Variants in SLC38A7 observed in about 807,000 individuals in gnomAD.
SLC38A7 encodes the protein sodium-coupled neutral amino acid transporter 7.
SLC38A7 carries 29 observed loss-of-function variants against 50.1 expected under a neutral mutation model. That is an observed-to-expected ratio of 0.58 (90% CI 0.43 to 0.79). The LOEUF (loss-of-function observed/expected upper bound fraction) is 0.79. SLC38A7 is among the 30% of genes least tolerant of loss of function. The pLI is 0.00. For synonymous variants in SLC38A7, 244 were observed against 245.9 expected, an observed-to-expected ratio of 0.99 and a Z score of 0.07; for missense variants, 483 against 610.6, an observed-to-expected ratio of 0.79 and a Z score of 2.20.
chr16:58,681,250 T>C (rs2044382460), intron 2 of SLC38A7: 1 of 152,142 alleles, frequency 6.6e-6, no homozygotes, highest in African/African-American at 2.4e-5. Flanking sequence ...CCCTCAGTCA[T>C]ATGGCGGTCA....
chr16:58,669,577 T>TGGG (rs1408239965), intron 11 of SLC38A7, among the ~76,000 whole-genome samples: 1 of 151,958 alleles, frequency 6.6e-6, no homozygotes, highest in East Asian at 1.9e-4. Context: ...GAGTGGGTTG[T>TGGG]GGGGGAAGAG....
At chr16:58,675,855 C>T in intron 8 of SLC38A7, 85 bp downstream of exon 8, 1 of 1,081,384 alleles carries the variant, frequency 9.2e-7, no homozygotes, top group African/African-American at 1.6e-5. Flanking sequence ...GGGCTGTCCC[C>T]AGGAAAGCTA....
chr16:58,672,592 C>T (rs953624992), intron 8 of SLC38A7, among the ~76,000 whole-genome samples: 1 of 152,152 alleles, frequency 6.6e-6, no homozygotes, highest in African/African-American at 2.4e-5. Flanking sequence ...ATGCTTCCTG[C>T]CAGTCCATCT....
intron 8 of SLC38A7, among the ~76,000 whole-genome samples, chr16:58,674,207 G>A (rs915267235): frequency 9.2e-5 from 14 of 152,058 alleles, no homozygotes; most frequent in East Asian, 1.9e-4. Context: ...GGCCTCAAGC[G>A]GTTCTCCCAT....
At chr16:58,676,959 CCT>C (rs1491263490) in intron 6 of SLC38A7, among the ~76,000 whole-genome samples, 1 of 146,604 alleles carries the variant, frequency 6.8e-6, no homozygotes, top group Non-Finnish European at 1.5e-5. Context: ...TGGCCCCCCC[CCT>C]TTTTTTTTAA....
chr16:58,675,922 G>GA lies in SLC38A7; in HGVS notation c.883+17_883+18insT, dbSNP rs559273584. 1.1e-6 allele frequency: 1 copy of GA among 926,818 alleles called. No individual in the cohort carries two copies. Among genetic ancestry groups the GA allele is most frequent in the African/African-American group, 4.2e-5 (1 of 23,748 alleles). The allele number at this position is 926,818 out of a possible 1,614,324, so 57.4% of individuals were successfully genotyped here. A position where few individuals can be genotyped will look rare whatever the true frequency, so the allele number is the denominator to read the frequency against. On this transcript the variant is annotated intron_variant, in intron 8 of 11. Coordinates refer to ENST00000219320, the MANE Select transcript of SLC38A7 (RefSeq NM_018231.3). ...GAGAGCACTCTAGTCCCAGGTCTTG[G>GA]GGGGGGGGAGCACTCACCTGTCCCC...
intron 8 of SLC38A7, among the ~76,000 whole-genome samples, chr16:58,672,458 T>C (rs1321981692): frequency 1.3e-5 from 2 of 152,176 alleles, no homozygotes; most frequent in East Asian, 3.9e-4. Context: ...CCCAGCTTTC[T>C]GAGCCTGAAC....
chr16:58,672,091 C>T lies in SLC38A7; in HGVS notation c.1031+5G>A, dbSNP rs1236397449. On this transcript the variant is annotated splice_donor_5th_base_variant and intron_variant, in intron 9 of 11. Coordinates refer to ENST00000219320, the MANE Select transcript of SLC38A7 (RefSeq NM_018231.3). ...AGGGGCCCTGGGGAGTGGAAGGGGGCTCACCGCCCACAGAAGTGCAGGATA... is the reference window on the plus strand; with the variant it reads ...AGGGGCCCTGGGGAGTGGAAGGGGGTTCACCGCCCACAGAAGTGCAGGATA... 2 of 1,552,482 alleles carry T rather than the reference C, an allele frequency of 1.3e-6. No individual in the cohort carries two copies. The highest frequency in any genetic ancestry group is 2.7e-5 in the African/African-American group (2 of 72,966).
chr16:58,680,223 G>C lies in SLC38A7; in HGVS notation c.-97C>G. On this transcript the variant is annotated 5_prime_UTR_variant, in exon 3 of 12. Coordinates refer to ENST00000219320, the MANE Select transcript of SLC38A7 (RefSeq NM_018231.3). Reference sequence around the variant, plus strand: ...AACACCCACCTGTTTGGGGCTGTTAGCTTAGGACTCTTCTCAACCTAGATG... The same window carrying C: ...AACACCCACCTGTTTGGGGCTGTTACCTTAGGACTCTTCTCAACCTAGATG... 2 of 1,372,362 alleles carry C rather than the reference G, an allele frequency of 1.5e-6. No individual in the cohort carries two copies. Among genetic ancestry groups the C allele is most frequent in the Admixed American group, 6.1e-5 (2 of 32,862 alleles). 85.0% of individuals were successfully genotyped at this position (1,372,362 alleles called of 1,614,324 possible).
chr16:58,675,454 G>C, intron 8 of SLC38A7: 1 of 351,646 alleles, frequency 2.8e-6, no homozygotes, highest in South Asian at 2.4e-5. Flanking sequence ...GGTTGAGGTT[G>C]CAGTGAGCTA....
chr16:58,667,319 C>T lies in SLC38A7; in HGVS notation c.*66G>A, dbSNP rs1196803711. ...AATGATCGTGGACTAAGAATGGCCC[C>T]ATAGCTCTAAGAGATGGGTTCCTGC... On this transcript the variant is annotated 3_prime_UTR_variant, in exon 12 of 12. Transcript: ENST00000219320. 2 of 1,495,672 alleles carry T rather than the reference C, an allele frequency of 1.3e-6. No individual in the cohort carries two copies. The highest frequency in any genetic ancestry group is 3.4e-5 in the Admixed American group (2 of 59,512). The allele number at this position is 1,495,672 out of a possible 1,614,324, so 92.7% of individuals were successfully genotyped here. A position where few individuals can be genotyped will look rare whatever the true frequency, so the allele number is the denominator to read the frequency against.
At chr16:58,683,308 A>T (rs1015815707) in intron 2 of SLC38A7, among the ~76,000 whole-genome samples, 1 of 152,178 alleles carries the variant, frequency 6.6e-6, no homozygotes, top group African/African-American at 2.4e-5. Flanking sequence ...GACTAACAAG[A>T]CCCCTTGGAC....
In SLC38A7 at chr16:58,671,210, C is replaced by G. The variant is rs760607141; in HGVS notation, c.1066G>C (p.Gly356Arg). The G allele has an allele frequency of 1.9e-6, 3 of 1,613,926 alleles. No homozygotes were observed. The highest frequency in any genetic ancestry group is 2.7e-5 in the African/African-American group (2 of 75,042). ...VVEGLWLRYQ[G>R]VPVEEDVGRE... ...CCCACGTCCTCCTCCACTGGCACCC[C>G]CTGGTAGCGCAGCCACAGGCCTTCC... The change falls in exon 10 of 12, where the codon GGG becomes CGG. Residue 356 changes from glycine to arginine, a missense_variant. Physicochemically the swap from Gly to Arg is moderately radical, Grantham distance 125. Transcript: ENST00000219320.
In SLC38A7 at chr16:58,678,373, G is replaced by A; in HGVS notation, c.571C>T (p.Leu191Phe). 5 of 1,596,602 alleles carry A rather than the reference G, an allele frequency of 3.1e-6. No homozygotes were observed. Among genetic ancestry groups the A allele is most frequent in the Non-Finnish European group, 3.4e-6 (4 of 1,171,194 alleles). The change falls in exon 5 of 12, where the codon CTC becomes TTC. Residue 191 changes from leucine to phenylalanine, a missense_variant. Leu to Phe is a conservative substitution (Grantham distance 22, BLOSUM62 0). Coordinates refer to ENST00000219320, the MANE Select transcript of SLC38A7 (RefSeq NM_018231.3). The surrounding 1 kb of genome is among the most constrained non-coding windows in gnomAD (Gnocchi z 4.0). Reference sequence around the variant, plus strand: ...AAACCAATCTCCCTGGGGATGGAGAGGGGCAGGATGAAGAGGAAGGCAGTG... The same window carrying A: ...AAACCAATCTCCCTGGGGATGGAGAAGGGCAGGATGAAGAGGAAGGCAGTG... ...SLTAFLFILP[L>F]SIPREIGFQK...
chr16:58,684,386 C>T (rs909581500), intron 1 of SLC38A7: 1 of 152,630 alleles, frequency 6.6e-6, no homozygotes, highest in African/African-American at 2.4e-5. Flanking sequence ...TGAGGTGAGG[C>T]TTTGTGAGGT....
chr16:58,675,144 T>C (rs575738583), intron 8 of SLC38A7: 4 of 218,420 alleles, frequency 1.8e-5, no homozygotes, highest in Non-Finnish European at 3.8e-5. Flanking sequence ...TTTCTCATCA[T>C]TTGGGCCTTC....
intron 6 of SLC38A7, 98 bp from the exon 7 acceptor site, chr16:58,676,444 G>A (rs1463948361): frequency 7.0e-6 from 9 of 1,286,020 alleles, no homozygotes; most frequent in Middle Eastern, 2.0e-4. Context: ...ATGGTCTCCA[G>A]CAACTGGGAT....
At chr16:58,676,169 G>A in intron 7 of SLC38A7, 115 bp from the exon 8 acceptor site, 2 of 1,549,874 alleles carry the variant, frequency 1.3e-6, no homozygotes, top group Non-Finnish European at 1.8e-6. Context: ...TGAGGCCCCT[G>A]TTCCATCCTT....
intron 6 of SLC38A7, among the ~76,000 whole-genome samples, 178 bp downstream of exon 6, chr16:58,677,148 C>T (rs1340845389): frequency 6.6e-6 from 1 of 152,130 alleles, no homozygotes; most frequent in African/African-American, 2.4e-5. Flanking sequence ...TCTTGCTCTT[C>T]CTTCCAGTAA....
Sources: gnomAD v4.1 joint callset for allele counts (sites outside exome capture counted in the v4.1 genomes callset) on GRCh38, gnomAD v4.1.1 for gene constraint, Gnocchi (gnomAD v3.1) non-coding constraint, MANE v1.5 for transcripts, NCBI Gene and HGNC (gene_info 2026-07-23, HGNC 2026-07-21) for gene names.